Variants in MAP6 observed in about 807,000 individuals in gnomAD.
The protein encoded by MAP6 is microtubule-associated protein 6.
MAP6 carries 26 observed loss-of-function variants against 42.4 expected under a neutral mutation model. The ratio of observed to expected loss-of-function variants is 0.61; its 90% CI spans 0.45 to 0.85. The LOEUF (loss-of-function observed/expected upper bound fraction) is 0.85. Ranked by LOEUF, MAP6 falls within the 40% of genes least tolerant of loss-of-function variation. The pLI is 0.00. For synonymous variants in MAP6, 418 were observed against 443.8 expected (o/e 0.94, Z 0.73); for missense variants, 966 against 1,099.0 (o/e 0.88, Z 1.71).
intron 1 of MAP6, among the ~76,000 whole-genome samples, chr11:75,626,023 C>T (rs911219298): frequency 6.6e-6 from 1 of 152,190 alleles, no homozygotes; most frequent in African/African-American, 2.4e-5. Flanking sequence ...CTCCCAGGCC[C>T]CATGCTCTTT....
intron 1 of MAP6, among the ~76,000 whole-genome samples, chr11:75,616,197 A>G (rs1245156332): frequency 6.6e-6 from 1 of 152,244 alleles, no homozygotes; most frequent in Non-Finnish European, 1.5e-5. Context: ...TGATCATACA[A>G]AAATTCAATT....
At chr11:75,644,093 C>T (rs1295806267) in intron 1 of MAP6, among the ~76,000 whole-genome samples, 1 of 152,170 alleles carries the variant, frequency 6.6e-6, no homozygotes, top group Admixed American at 6.5e-5. Flanking sequence ...TCCCAATCTG[C>T]TCGGGAGTGC....
intron 1 of MAP6, among the ~76,000 whole-genome samples, chr11:75,653,901 T>C (rs1368816721): frequency 6.6e-6 from 1 of 152,246 alleles, no homozygotes; most frequent in African/African-American, 2.4e-5. Context: ...ATGATGAGGA[T>C]AGTTGCCATT....
chr11:75,600,304 T>C (rs1259408831), intron 3 of MAP6, among the ~76,000 whole-genome samples: 1 of 152,210 alleles, frequency 6.6e-6, no homozygotes, highest in East Asian at 1.9e-4. Context: ...GACACAGCGT[T>C]GCACGGCAGC....
chr11:75,668,423 C>A lies in MAP6; in HGVS notation c.-54G>T. 1 of 1,531,324 alleles carries A rather than the reference C, an allele frequency of 6.5e-7. No individual in the cohort carries two copies. Among genetic ancestry groups the A allele is most frequent in the Non-Finnish European group, 8.7e-7 (1 of 1,145,476 alleles). The allele number at this position is 1,531,324 out of a possible 1,614,324, so 94.9% of individuals were successfully genotyped here. A position where few individuals can be genotyped will look rare whatever the true frequency, so the allele number is the denominator to read the frequency against. On this transcript the variant is annotated 5_prime_UTR_variant, in exon 1 of 4. Coordinates refer to ENST00000304771, the MANE Select transcript of MAP6 (RefSeq NM_033063.2). Reference sequence around the variant, plus strand: ...TTCTTCTTGTGGTTCTAAAGCAAGTCTCTATAATCTTCCTTCAGCCTCCGA... The same window carrying A: ...TTCTTCTTGTGGTTCTAAAGCAAGTATCTATAATCTTCCTTCAGCCTCCGA...
intron 1 of MAP6, among the ~76,000 whole-genome samples, chr11:75,639,356 T>C (rs1410808430): frequency 2.6e-5 from 4 of 152,230 alleles, no homozygotes; most frequent in Non-Finnish European, 5.9e-5. Flanking sequence ...TTTCTTCCTG[T>C]TGGAAGTGTT....
At chr11:75,647,278 C>T (rs1276058717) in intron 1 of MAP6, among the ~76,000 whole-genome samples, 5 of 144,154 alleles carry the variant, frequency 3.5e-5, no homozygotes, top group East Asian at 2.0e-4. Flanking sequence ...CCACTGTGCC[C>T]GGCTGAAACT....
rs755834067 is a variant in MAP6 at position 75,668,224 on chromosome 11, G to A, written c.146C>T (p.Pro49Leu). Residue 49 changes from proline (P) to leucine (L), a missense_variant, in exon 1 of 4, where the codon CCG becomes CTG. Transcript: ENST00000304771. ...GAGCGCCGGCTGCGCCTGCTGCTGC[G>A]GCGGCGGTGGCTGCGGCGGGGCGCC... ...HPGAPPQPPPPQQQAQPALAP... is the reference protein window; with the variant it reads ...HPGAPPQPPPLQQQAQPALAP... 8 of 1,385,018 alleles carry A rather than the reference G, an allele frequency of 5.8e-6. No homozygotes were observed. The African/African-American group carries it at 1.2e-4, about 21-fold the overall frequency. The allele number at this position is 1,385,018 out of a possible 1,614,324, so 85.8% of individuals were successfully genotyped here. A position where few individuals can be genotyped will look rare whatever the true frequency, so the allele number is the denominator to read the frequency against.
intron 1 of MAP6, among the ~76,000 whole-genome samples, chr11:75,625,644 T>C (rs1423827859): frequency 3.9e-5 from 6 of 152,202 alleles, no homozygotes; most frequent in Non-Finnish European, 8.8e-5. Context: ...TAACTTCAGA[T>C]CTGACACTTT....
chr11:75,622,871 A>T (rs534907620), intron 1 of MAP6, among the ~76,000 whole-genome samples: 9 of 152,318 alleles, frequency 5.9e-5, no homozygotes, highest in African/African-American at 2.2e-4. Flanking sequence ...TTACAGAAAT[A>T]ATTGTTAAAT....
intron 1 of MAP6, among the ~76,000 whole-genome samples, chr11:75,635,368 G>A (rs1011145505): frequency 6.6e-6 from 1 of 152,194 alleles, no homozygotes; most frequent in African/African-American, 2.4e-5. Context: ...TCAACACCAA[G>A]AGAAAACGAG....
At chr11:75,606,434 C>G (rs545982891) in intron 2 of MAP6, among the ~76,000 whole-genome samples, 2 of 152,338 alleles carry the variant, frequency 1.3e-5, no homozygotes, top group South Asian at 2.1e-4. Context: ...TCAGCCTGTG[C>G]TGCCCAGTGC....
chr11:75,609,366 G>T (rs17134160), intron 1 of MAP6, among the ~76,000 whole-genome samples: 1 of 152,172 alleles, frequency 6.6e-6, no homozygotes, highest in Admixed American at 6.5e-5. Flanking sequence ...AGGAGTTAGG[G>T]CATGAATATC....
intron 1 of MAP6, among the ~76,000 whole-genome samples, chr11:75,646,809 G>T (rs992947593): frequency 6.6e-6 from 1 of 152,004 alleles, no homozygotes; most frequent in African/African-American, 2.4e-5. Context: ...TCAAAAAAAA[G>T]AAGCAATGGT....
intron 1 of MAP6, among the ~76,000 whole-genome samples, chr11:75,641,018 T>C (rs1398112483): frequency 6.6e-6 from 1 of 152,124 alleles, no homozygotes; most frequent in African/African-American, 2.4e-5. Flanking sequence ...CATGCTGCTA[T>C]AAAGACACAT....
chr11:75,610,488 C>T (rs1427738424), intron 1 of MAP6, among the ~76,000 whole-genome samples: 1 of 152,172 alleles, frequency 6.6e-6, no homozygotes, highest in Non-Finnish European at 1.5e-5. Flanking sequence ...AACCTGCAGG[C>T]AGTGTGGGTG....
chr11:75,590,473 C>T (rs1261139073), intron 3 of MAP6, among the ~76,000 whole-genome samples: 1 of 152,182 alleles, frequency 6.6e-6, no homozygotes, highest in Non-Finnish European at 1.5e-5. Context: ...ATATCTACAG[C>T]ATTGGCTCCT....
chr11:75,613,848 T>C (rs541263587), intron 1 of MAP6, among the ~76,000 whole-genome samples: 1 of 152,342 alleles, frequency 6.6e-6, no homozygotes, highest in African/African-American at 2.4e-5. Flanking sequence ...TACTAAGGGA[T>C]GGCAGAGCCA....
chr11:75,635,683 C>A (rs1316599564), intron 1 of MAP6, among the ~76,000 whole-genome samples: 1 of 152,244 alleles, frequency 6.6e-6, no homozygotes, highest in East Asian at 1.9e-4. Context: ...GACTCGGTTC[C>A]TTGGCTTCAT....
Sources: gnomAD v4.1 joint callset for allele counts (sites outside exome capture counted in the v4.1 genomes callset) on GRCh38, gnomAD v4.1.1 for gene constraint, MANE v1.5 for transcripts, NCBI Gene and HGNC (gene_info 2026-07-23, HGNC 2026-07-21) for gene names.